CTNNA3: variants seen among roughly 807,000 people sequenced by gnomAD.
CTNNA3 encodes catenin alpha 3, also known as catenin alpha-3.
A neutral mutation model predicts 95.7 loss-of-function variants in CTNNA3; 76 were observed. The observed-to-expected ratio is 0.79, with a 90% CI of 0.66 to 0.96. The LOEUF is 0.96. CTNNA3 is among the 40% of genes least tolerant of loss of function. CTNNA3 has a pLI of 0.00. For synonymous variants in CTNNA3, 431 were observed against 374.4 expected (o/e 1.15, Z -1.74); for missense variants, 1,191 against 1,089.8 (o/e 1.09, Z -1.31).
intron 5 of CTNNA3, among the ~76,000 whole-genome samples, chr10:67,281,419 G>C (rs1479517191): frequency 6.6e-6 from 1 of 152,108 alleles, no homozygotes; most frequent in Non-Finnish European, 1.5e-5. Flanking sequence ...AGCACGCTGA[G>C]TGCTCTTTAT....
At chr10:65,930,198 GTAAAA>G (rs2077229018) in intron 17 of CTNNA3, among the ~76,000 whole-genome samples, 1 of 44,624 alleles carries the variant, frequency 2.2e-5, no homozygotes, top group Admixed American at 3.1e-4. Context: ...TCAGAGCTCA[GTAAAA>G]AAAAAAAAAA....
At chr10:67,700,193 C>T, upstream of CTNNA3, among the ~76,000 whole-genome samples, 1 of 152,242 alleles carries the variant, frequency 6.6e-6, no homozygotes, top group Non-Finnish European at 1.5e-5. Context: ...CCTCTGGGGG[C>T]AGGGCACAGA....
At position 65,918,669 on chromosome 10, in the gene CTNNA3, C is replaced by T. The variant is rs2077036159; in HGVS notation, c.*1661G>A. 1 of 152,090 alleles carries T rather than the reference C, an allele frequency of 6.6e-6. No homozygotes were observed. The highest frequency in any genetic ancestry group is 2.4e-5 in the African/African-American group (1 of 41,436). 9.4% of individuals were successfully genotyped at this position (152,090 alleles called of 1,614,324 possible). On this transcript the variant is annotated 3_prime_UTR_variant, in exon 18 of 18. Transcript: ENST00000433211. ...AAAACAGGGAGGAGTTTATTGCCTT[C>T]ACCTCCTAGGAAGTTTTACACTGAG...
chr10:66,128,780 G>A (rs537860528), intron 13 of CTNNA3, among the ~76,000 whole-genome samples: 2 of 152,170 alleles, frequency 1.3e-5, no homozygotes, highest in African/African-American at 2.4e-5. Flanking sequence ...ACAGATTTTG[G>A]GCAAAAATTA....
At chr10:67,049,718 C>T (rs71496029) in intron 7 of CTNNA3, among the ~76,000 whole-genome samples, 67 of 152,298 alleles carry the variant, frequency 4.4e-4, no homozygotes, top group Non-Finnish European at 8.1e-4. Context: ...ACATAGAAAA[C>T]TGCCTATTCG....
chr10:66,155,460 A>G (rs1015941313), intron 13 of CTNNA3, among the ~76,000 whole-genome samples: 2 of 151,886 alleles, frequency 1.3e-5, no homozygotes, highest in Non-Finnish European at 2.9e-5. Context: ...TATAAAAGTT[A>G]TATCTTAATC....
At chr10:67,643,956 C>T (rs1231052558) in intron 2 of CTNNA3, among the ~76,000 whole-genome samples, 3 of 152,056 alleles carry the variant, frequency 2.0e-5, no homozygotes, top group Non-Finnish European at 4.4e-5. Flanking sequence ...GGGTTGGTTC[C>T]AAGTCTTTGC....
chr10:67,257,270 G>C (rs1362996520), intron 5 of CTNNA3, among the ~76,000 whole-genome samples: 1 of 151,596 alleles, frequency 6.6e-6, no homozygotes, highest in Non-Finnish European at 1.5e-5. Context: ...GGGAGATAAA[G>C]ACAGGGTTTG....
intron 1 of CTNNA3, among the ~76,000 whole-genome samples, chr10:67,670,117 G>C (rs942046742): frequency 3.9e-5 from 6 of 152,176 alleles, no homozygotes; most frequent in African/African-American, 1.2e-4. Flanking sequence ...TCTGTGTCTT[G>C]TTCCCACATA....
intron 5 of CTNNA3, among the ~76,000 whole-genome samples, chr10:67,326,272 C>T (rs947758673): frequency 1.3e-4 from 20 of 152,086 alleles, no homozygotes; most frequent in African/African-American, 3.4e-4. Flanking sequence ...GTCATCATGA[C>T]GTTACCTGGT....
At chr10:66,470,662 C>CA (rs575348946) in intron 11 of CTNNA3, among the ~76,000 whole-genome samples, 56 of 151,558 alleles carry the variant, frequency 3.7e-4, no homozygotes, top group Admixed American at 8.6e-4. Flanking sequence ...GACAAGCCAG[C>CA]AAAAGAGACA....
chr10:67,747,415 T>C (rs1454920270), intron 1 of CTNNA3, among the ~76,000 whole-genome samples: 1 of 152,070 alleles, frequency 6.6e-6, no homozygotes, highest in African/African-American at 2.4e-5. Flanking sequence ...AGGAGCAGGC[T>C]CCCATCTTTG....
intron 13 of CTNNA3, among the ~76,000 whole-genome samples, chr10:66,220,951 G>T (rs553371496): frequency 6.6e-6 from 1 of 152,194 alleles, no homozygotes; most frequent in Non-Finnish European, 1.5e-5. Context: ...GGGATGTAAA[G>T]TTCTCACTTT....
intron 5 of CTNNA3, among the ~76,000 whole-genome samples, chr10:67,426,670 G>C (rs114400031): frequency 0.017 from 2,658 of 152,050 alleles, 87 homozygotes; most frequent in African/African-American, 0.059. Context: ...GTGGGAGCCT[G>C]GGGGAGGGAT....
chr10:66,415,969 T>G (rs1488750612), intron 11 of CTNNA3, among the ~76,000 whole-genome samples: 1 of 152,182 alleles, frequency 6.6e-6, no homozygotes, highest in African/African-American at 2.4e-5. Context: ...CCAAAGGAGA[T>G]GGAATTCATA....
chr10:66,649,478 C>G (rs544512348), intron 9 of CTNNA3, among the ~76,000 whole-genome samples: 54 of 152,222 alleles, frequency 3.5e-4, no homozygotes, highest in Middle Eastern at 6.8e-3. Context: ...GTATACAGCA[C>G]GGACACAGAC....
Position 66,209,428 on chromosome 10 carries a change from C to G in CTNNA3, c.1884+71042G>C, listed in dbSNP as rs547893625. On this transcript the variant is annotated intron_variant, in intron 13 of 17. Transcript: ENST00000433211. ...TTTAAATAGGGAACCTAAGGTACAT[C>G]TCAATGATAAGGTGACATTTGGAAA... is the stretch of plus-strand genomic sequence containing the variant. Among the ~76,000 whole-genome samples, 5 of 152,198 alleles carry G rather than the reference C, an allele frequency of 3.3e-5. No homozygotes were observed. The East Asian group carries it at 9.7e-4, about 29-fold the overall frequency.
intron 9 of CTNNA3, among the ~76,000 whole-genome samples, chr10:66,685,284 A>ATGTATATATAC (rs1847230189): frequency 1.4e-5 from 1 of 73,056 alleles, no homozygotes; most frequent in Admixed American, 2.0e-4. Flanking sequence ...CGTATATATA[A>ATGTATATATAC]GTATATATAT....
chr10:66,069,801 A>C, intron 14 of CTNNA3, among the ~76,000 whole-genome samples: 1 of 152,276 alleles, frequency 6.6e-6, no homozygotes, highest in African/African-American at 2.4e-5. Flanking sequence ...TCAAATTTTA[A>C]ATTAACATCA....
Sources: allele counts gnomAD v4.1 joint callset (sites outside exome capture counted in the v4.1 genomes callset), GRCh38; gene constraint gnomAD v4.1.1; transcripts MANE v1.5; gene names NCBI Gene and HGNC (gene_info 2026-07-23, HGNC 2026-07-21).